Variants in STX5 observed in about 807,000 individuals in gnomAD.
The protein encoded by STX5 is syntaxin-5.
In STX5, 15 loss-of-function variants were observed where a neutral mutation model predicts 42.9. The ratio of observed to expected loss-of-function variants is 0.35; its 90% CI spans 0.23 to 0.54. The LOEUF (loss-of-function observed/expected upper bound fraction) is 0.54. Among genes scored for constraint, STX5 ranks in the 20% least tolerant of loss-of-function variants. The pLI is 0.91. For missense variants in STX5, 430 were observed against 455.0 expected (o/e 0.95, Z 0.50); for synonymous variants, 184 against 173.2 (o/e 1.06, Z -0.49).
rs1256601747 is a variant in STX5, at chr11:62,827,471, A to T, written c.297-73T>A. The T allele has an allele frequency of 2.5e-6, 4 of 1,612,590 alleles. No homozygotes were observed. The African/African-American group carries it at 5.3e-5, about 22-fold the overall frequency. On this transcript the variant is annotated intron_variant, in intron 3 of 10. Coordinates refer to ENST00000294179, the MANE Select transcript of STX5 (RefSeq NM_003164.5). Reference sequence around the variant, plus strand: ...TCCCACATAAGCTCCAGCATAACCAATCCCAGACTTCACAGCCAAGGCCAC... The same window carrying T: ...TCCCACATAAGCTCCAGCATAACCATTCCCAGACTTCACAGCCAAGGCCAC...
At chr11:62,817,252 A>T (rs1335997937) in intron 10 of STX5, among the ~76,000 whole-genome samples, 1 of 152,128 alleles carries the variant, frequency 6.6e-6, no homozygotes. Context: ...ACGCCACTGC[A>T]TTCGAGCTTT....
In STX5 at chr11:62,821,843, T is replaced by C. The variant is rs1048904250; in HGVS notation, c.908+2323A>G. ...GAGATTAAGACCATCCTGGCCAACA[T>C]GGTGAAACCCTGTCTCCACTAAAAA... On this transcript the variant is annotated intron_variant, in intron 10 of 10. Transcript: ENST00000294179. Among the ~76,000 whole-genome samples the C allele has an allele frequency of 1.0e-3, 153 of 152,058 alleles. 2 individuals are homozygous for C. The highest frequency in any genetic ancestry group is 3.7e-4 in the Non-Finnish European group (25 of 67,978).
chr11:62,811,413 G>T (rs2084615439), intron 10 of STX5, among the ~76,000 whole-genome samples: 1 of 152,146 alleles, frequency 6.6e-6, no homozygotes, highest in Admixed American at 6.6e-5. Flanking sequence ...ATTTCTTGCT[G>T]TGACACACAG....
rs551133512 is a variant in STX5, at chr11:62,831,881, A to T, written c.-20+73T>A. The T allele has an allele frequency of 5.8e-4, 258 of 446,330 alleles. 2 individuals are homozygous for T. Among genetic ancestry groups the T allele is most frequent in the Admixed American group, 5.6e-3 (233 of 41,688 alleles). The allele number at this position is 446,330 out of a possible 1,614,324, so 27.6% of individuals were successfully genotyped here. A position where few individuals can be genotyped will look rare whatever the true frequency, so the allele number is the denominator to read the frequency against. Reference sequence around the variant, plus strand: ...CGCCCCTGATTCCCTTCCCCCCGCCAGTCGTCGCCCCCGTAAAACCACTGC... The same window carrying T: ...CGCCCCTGATTCCCTTCCCCCCGCCTGTCGTCGCCCCCGTAAAACCACTGC... On this transcript the variant is annotated intron_variant, in intron 1 of 10. Coordinates refer to ENST00000294179, the MANE Select transcript of STX5 (RefSeq NM_003164.5).
intron 10 of STX5, among the ~76,000 whole-genome samples, chr11:62,816,712 C>T (rs1161781462): frequency 2.1e-5 from 3 of 144,964 alleles, no homozygotes; most frequent in African/African-American, 7.7e-5. Context: ...TGGTGAAACC[C>T]GCCTTTACTG....
At chr11:62,827,477 G>C (rs2084809455) in intron 3 of STX5, 79 bp from the exon 4 acceptor site, 2 of 1,612,832 alleles carry the variant, frequency 1.2e-6, no homozygotes, top group Non-Finnish European at 1.7e-6. Context: ...ACCAATCCCA[G>C]ACTTCACAGC....
At chr11:62,827,045 C>A (rs2084803986) in intron 5 of STX5, 110 bp downstream of exon 5, 2 of 958,426 alleles carry the variant, frequency 2.1e-6, no homozygotes, top group South Asian at 3.1e-5. Context: ...GTGAGACCCC[C>A]CTCTCTAAAA....
rs75531893 is a variant in STX5, at chr11:62,813,806, C to T, written c.909-6178G>A. Reference sequence around the variant, plus strand: ...AAGTGGTCTGAAGATAAATGCCGCTCCACCCCGAGCATTGCTACAATAGCC... The same window carrying T: ...AAGTGGTCTGAAGATAAATGCCGCTTCACCCCGAGCATTGCTACAATAGCC... On this transcript the variant is annotated intron_variant, in intron 10 of 10. Coordinates refer to ENST00000294179, the MANE Select transcript of STX5 (RefSeq NM_003164.5). 2.9e-3 allele frequency among the ~76,000 whole-genome samples: 442 copies of T among 152,270 alleles called. 2 individuals carry two copies. The highest frequency in any genetic ancestry group is 9.3e-3 in the African/African-American group (388 of 41,550).
At chr11:62,812,581 G>A (rs2084629681) in intron 10 of STX5, among the ~76,000 whole-genome samples, 1 of 151,676 alleles carries the variant, frequency 6.6e-6, no homozygotes, top group South Asian at 2.1e-4. Flanking sequence ...ACCACACCCG[G>A]CTAATTTTTT....
At chr11:62,819,035 C>T (rs1227005279) in intron 10 of STX5, among the ~76,000 whole-genome samples, 5 of 150,458 alleles carry the variant, frequency 3.3e-5, no homozygotes, top group South Asian at 2.1e-4. Context: ...CTGGCTAACA[C>T]GGTGAAACCC....
intron 10 of STX5, among the ~76,000 whole-genome samples, chr11:62,812,807 G>C (rs1414730618): frequency 2.0e-5 from 3 of 151,738 alleles, no homozygotes; most frequent in African/African-American, 7.3e-5. Flanking sequence ...CTAGGTCTCA[G>C]CTGAAATAGA....
intron 10 of STX5, among the ~76,000 whole-genome samples, chr11:62,821,294 G>GA (rs1565212083): frequency 6.6e-6 from 1 of 151,606 alleles, no homozygotes; most frequent in Non-Finnish European, 1.5e-5. Flanking sequence ...GCAACAGAGC[G>GA]AAACTCCATT....
intron 10 of STX5, chr11:62,808,055 G>A (rs2084572515): frequency 1.3e-5 from 2 of 159,612 alleles, no homozygotes; most frequent in African/African-American, 4.8e-5. Flanking sequence ...AATGTTCACA[G>A]ACCATTGCAG....
intron 10 of STX5, among the ~76,000 whole-genome samples, chr11:62,816,740 A>G (rs548271034): frequency 2.5e-3 from 155 of 61,824 alleles, no homozygotes; most frequent in East Asian, 0.021. Flanking sequence ...AAAAAAAAAA[A>G]AAGAAGAATT....
chr11:62,810,116 A>AG (rs1441591101), intron 10 of STX5, among the ~76,000 whole-genome samples: 1 of 151,450 alleles, frequency 6.6e-6, no homozygotes, highest in East Asian at 1.9e-4. Context: ...AAAAAAAAAA[A>AG]AAAAAGAAAG....
rs1321269031 is a variant in STX5, at chr11:62,807,638, A to C, written c.909-10T>G. Reference sequence around the variant, plus strand: ...CACGTTCTCGTCGATCCTGGGGACAAGGCCGGGAGAAGAGGAAACAAAAGG... The same window carrying C: ...CACGTTCTCGTCGATCCTGGGGACACGGCCGGGAGAAGAGGAAACAAAAGG... On this transcript the variant is annotated splice_polypyrimidine_tract_variant and intron_variant, in intron 10 of 10. Transcript: ENST00000294179. The C allele has an allele frequency of 6.2e-7, 1 of 1,613,942 alleles. No homozygotes were observed. The highest frequency in any genetic ancestry group is 8.5e-7 in the Non-Finnish European group (1 of 1,179,958).
chr11:62,807,752 T>C (rs968172762), intron 10 of STX5, 124 bp from the exon 11 acceptor site: 1 of 1,474,168 alleles, frequency 6.8e-7, no homozygotes, highest in African/African-American at 1.4e-5. Context: ...TATATTTGTG[T>C]ATAGAAAAGG....
rs368853800 is a variant in STX5 at position 62,819,649 on chromosome 11, G to A, written c.908+4517C>T. On this transcript the variant is annotated intron_variant, in intron 10 of 10. Coordinates refer to ENST00000294179, the MANE Select transcript of STX5 (RefSeq NM_003164.5). The stretch of plus-strand genomic sequence containing the variant: ...CCTCCTGCCTCAGACTTCAGCTACT[G>A]GGAACAGTAGCTGGGACCAAGATGT... 9.4e-4 allele frequency among the ~76,000 whole-genome samples: 142 copies of A among 151,654 alleles called. 1 individual carries two copies. Among genetic ancestry groups the A allele is most frequent in the African/African-American group, 2.9e-3 (121 of 41,330 alleles).
chr11:62,810,508 G>A (rs2084606570), intron 10 of STX5, among the ~76,000 whole-genome samples: 1 of 152,100 alleles, frequency 6.6e-6, no homozygotes, highest in South Asian at 2.1e-4. Context: ...GGGAATATGA[G>A]TGTTTATTGT....
Sources: allele counts gnomAD v4.1 joint callset (sites outside exome capture counted in the v4.1 genomes callset), GRCh38; gene constraint gnomAD v4.1.1; transcripts MANE v1.5; gene names NCBI Gene and HGNC (gene_info 2026-07-23, HGNC 2026-07-21).